The following EPB41L5 variants were observed in gnomAD, a reference collection of about 807,000 sequenced individuals.
EPB41L5 encodes the protein erythrocyte membrane protein band 4.1 like 5.
A neutral mutation model predicts 106.6 loss-of-function variants in EPB41L5; 55 were observed. That is an observed-to-expected ratio of 0.52 (90% confidence interval 0.42 to 0.65). The LOEUF is 0.65. Ranked by LOEUF, EPB41L5 falls within the 30% of genes least tolerant of loss-of-function variation. EPB41L5 has a pLI of 0.00. For synonymous variants in EPB41L5, 297 were observed against 306.7 expected, an observed-to-expected ratio of 0.97 and a Z score of 0.33; for missense variants, 871 against 882.1, an observed-to-expected ratio of 0.99 and a Z score of 0.16.
rs73952044 is a variant in EPB41L5, at chr2:120,133,355, A to G, written c.1599+1640A>G. 5.2e-3 allele frequency among the ~76,000 whole-genome samples: 796 copies of G among 152,244 alleles called. 4 individuals are homozygous for G. The highest frequency in any genetic ancestry group is 0.018 in the African/African-American group (766 of 41,526). On this transcript the variant is annotated intron_variant, in intron 18 of 24. Coordinates refer to ENST00000263713, the MANE Select transcript of EPB41L5 (RefSeq NM_020909.4). ...ATTATACCAAGGAAGGAGGCACTGA[A>G]GAGGGTAGGAAAGACAGTCTTGAAT...
intron 16 of EPB41L5, chr2:120,104,172 A>G (rs959964962): frequency 1.3e-6 from 2 of 1,535,964 alleles, no homozygotes; most frequent in African/African-American, 2.7e-5. Flanking sequence ...TCATGAGCAC[A>G]ATGTGAAGAA....
At chr2:120,082,437 T>A (rs1682739662) in intron 10 of EPB41L5, among the ~76,000 whole-genome samples, 1 of 152,236 alleles carries the variant, frequency 6.6e-6, no homozygotes, top group Non-Finnish European at 1.5e-5. Flanking sequence ...TGAACCAGCC[T>A]TGCGTCCCAG....
At chr2:120,162,749 T>C (rs1318390297) in intron 21 of EPB41L5, among the ~76,000 whole-genome samples, 1 of 152,220 alleles carries the variant, frequency 6.6e-6, no homozygotes, top group Non-Finnish European at 1.5e-5. Context: ...TGGTCTCAGC[T>C]TAACTGCATA....
chr2:120,048,449 AG>A (rs1321575350), intron 3 of EPB41L5, among the ~76,000 whole-genome samples: 1 of 151,768 alleles, frequency 6.6e-6, no homozygotes, highest in East Asian at 1.9e-4. Flanking sequence ...ATTTGCGTAG[AG>A]GTGTTTATAG....
intron 16 of EPB41L5, among the ~76,000 whole-genome samples, chr2:120,125,766 G>A (rs1685433960): frequency 6.6e-6 from 1 of 152,086 alleles, no homozygotes; most frequent in Non-Finnish European, 1.5e-5. Context: ...GTCCTGTGCA[G>A]GTCTTTAGAA....
intron 24 of EPB41L5, among the ~76,000 whole-genome samples, chr2:120,173,180 A>T (rs1188607101): frequency 3.2e-4 from 48 of 152,354 alleles, no homozygotes; most frequent in Admixed American, 5.9e-4. Flanking sequence ...AGTTGTGAAA[A>T]TATTTACATA....
chr2:120,122,989 G>C (rs1012654990), intron 16 of EPB41L5, among the ~76,000 whole-genome samples: 4 of 152,168 alleles, frequency 2.6e-5, no homozygotes, highest in African/African-American at 9.7e-5. Context: ...AGGAATGCTT[G>C]TGATTTTTAC....
chr2:120,167,749 A>T (rs1687479866), intron 23 of EPB41L5, 128 bp from the exon 24 acceptor site: 1 of 1,239,636 alleles, frequency 8.1e-7, no homozygotes, highest in Non-Finnish European at 1.1e-6. Context: ...AAAACAAAAC[A>T]AACAGTCATA....
In EPB41L5 at chr2:120,167,957, A is replaced by G; in HGVS notation, c.2085A>G (p.Gly695=). The change falls in exon 24 of 25, where the codon GGA becomes GGG. Residue 695 remains glycine (G), a synonymous_variant. Transcript: ENST00000263713. ...TGKEGHGNKD[G]ISLISPPAPF... ...AGGAGGGACATGGTAATAAAGATGG[A>G]ATCTCACTGATCTCTCCCCCAGCGC... 6.2e-7 allele frequency: 1 copy of G among 1,614,154 alleles called. No homozygotes were observed.
chr2:120,050,626 G>T (rs919160560), intron 3 of EPB41L5, among the ~76,000 whole-genome samples: 3 of 152,158 alleles, frequency 2.0e-5, no homozygotes, highest in South Asian at 4.1e-4. Context: ...GCTCGGAGAA[G>T]TTTGATCGTC....
intron 3 of EPB41L5, among the ~76,000 whole-genome samples, chr2:120,068,239 C>T (rs1453070743): frequency 1.3e-5 from 2 of 152,230 alleles, no homozygotes; most frequent in Non-Finnish European, 2.9e-5. Flanking sequence ...AGGAACGGTG[C>T]ATTCCGGCCC....
At chr2:120,050,229 A>G (rs890627923) in intron 3 of EPB41L5, among the ~76,000 whole-genome samples, 7 of 152,152 alleles carry the variant, frequency 4.6e-5, no homozygotes, top group Non-Finnish European at 1.0e-4. Flanking sequence ...AGGTTGGGGA[A>G]GTTCTCCTGG....
chr2:120,173,978 G>A (rs566945262), intron 24 of EPB41L5, among the ~76,000 whole-genome samples: 156 of 152,302 alleles, frequency 1.0e-3, no homozygotes, highest in African/African-American at 3.3e-3. Flanking sequence ...CTTACCCAGC[G>A]TGTTTTCAGT....
chr2:120,065,596 A>C (rs1239870393), intron 3 of EPB41L5, among the ~76,000 whole-genome samples: 1 of 149,066 alleles, frequency 6.7e-6, no homozygotes, highest in East Asian at 2.0e-4. Context: ...GGCTCACTGC[A>C]ACCTCTGCCT....
At chr2:120,079,252 T>A (rs1001685280) in intron 10 of EPB41L5, among the ~76,000 whole-genome samples, 16 of 152,268 alleles carry the variant, frequency 1.1e-4, no homozygotes, top group Admixed American at 8.5e-4. Flanking sequence ...ACACATCCAG[T>A]TACTTTAAAC....
intron 22 of EPB41L5, among the ~76,000 whole-genome samples, chr2:120,166,215 G>C (rs1027248309): frequency 1.3e-4 from 20 of 152,070 alleles, no homozygotes; most frequent in Admixed American, 4.6e-4. Flanking sequence ...TCTTGGGTGG[G>C]GTCTGAAAAG....
intron 20 of EPB41L5, among the ~76,000 whole-genome samples, chr2:120,147,701 A>T (rs1029649049): frequency 2.7e-4 from 41 of 150,862 alleles, no homozygotes; most frequent in Admixed American, 8.0e-4. Flanking sequence ...TACTATTGTT[A>T]TTATTGAAGT....
chr2:120,105,997 C>T, intron 16 of EPB41L5: 1 of 985,314 alleles, frequency 1.0e-6, no homozygotes, highest in African/African-American at 1.7e-5. Flanking sequence ...TAAAATTATT[C>T]TTAATCTGCA....
At chr2:120,161,419 C>G (rs1687136910) in intron 21 of EPB41L5, among the ~76,000 whole-genome samples, 1 of 151,346 alleles carries the variant, frequency 6.6e-6, no homozygotes, top group South Asian at 2.1e-4. Flanking sequence ...AGCCACAGTT[C>G]TCTAGGGAGA....
Sources: allele counts gnomAD v4.1 joint callset (sites outside exome capture counted in the v4.1 genomes callset), GRCh38; gene constraint gnomAD v4.1.1; transcripts MANE v1.5; gene names NCBI Gene and HGNC (gene_info 2026-07-23, HGNC 2026-07-21).